WDR36: variants seen among roughly 807,000 people sequenced by gnomAD.
WDR36 encodes the protein WD repeat-containing protein 36.
In WDR36, 63 loss-of-function variants were observed where a neutral mutation model predicts 112.7. The ratio of observed to expected loss-of-function variants is 0.56; its 90% confidence interval spans 0.46 to 0.69. The LOEUF (loss-of-function observed/expected upper bound fraction) is 0.69. WDR36 is among the 30% of genes least tolerant of loss of function. The pLI is 0.00. For missense variants in WDR36, 1,226 were observed against 1,070.3 expected, an observed-to-expected ratio of 1.15 and a Z score of -2.03; for synonymous variants, 410 against 362.2, an observed-to-expected ratio of 1.13 and a Z score of -1.50.
rs975336519 is a variant in WDR36 at position 111,092,447 on chromosome 5, C to T, written c.-10C>T. On this transcript the variant is annotated 5_prime_UTR_variant, in exon 1 of 23. Transcript: ENST00000513710. ...GACCAGAGCTGAGAGGAGCTGGGAT[C>T]GCGGCGGCAATGGAACGGGCCTCAG... is the stretch of plus-strand genomic sequence containing the variant. 4.3e-6 allele frequency: 7 copies of T among 1,614,094 alleles called. No individual in the cohort carries two copies. In the African/African-American group the frequency reaches 8.0e-5, roughly 18 times the overall value.
intron 21 of WDR36, among the ~76,000 whole-genome samples, chr5:111,124,755 G>T (rs79666440): frequency 5.3e-5 from 8 of 152,022 alleles, no homozygotes; most frequent in Non-Finnish European, 8.8e-5. Context: ...ATTTTAACTT[G>T]TCCTCTTGTT....
At chr5:111,100,788 A>T in intron 5 of WDR36, 67 bp downstream of exon 5, 1 of 1,486,830 alleles carries the variant, frequency 6.7e-7, no homozygotes, top group East Asian at 2.3e-5. Context: ...CCTAATGTAT[A>T]CTTAAGTCTC....
rs376235389 is a variant in WDR36 at position 111,092,399 on chromosome 5, A to G, written c.-58A>G. 15 of 1,614,052 alleles carry G rather than the reference A, an allele frequency of 9.3e-6. 1 individual carries two copies. The African/African-American group carries it at 1.7e-4, about 19-fold the overall frequency. On this transcript the variant is annotated 5_prime_UTR_variant, in exon 1 of 23. Transcript: ENST00000513710. Reference sequence around the variant, plus strand: ...CTGTTCCACTAGACACGCTGAAGGGACTGGGTACGTGTTTTCCTTCAGGAC... The same window carrying G: ...CTGTTCCACTAGACACGCTGAAGGGGCTGGGTACGTGTTTTCCTTCAGGAC...
intron 19 of WDR36, among the ~76,000 whole-genome samples, chr5:111,121,819 A>G (rs1753573190): frequency 6.6e-6 from 1 of 152,216 alleles, no homozygotes; most frequent in African/African-American, 2.4e-5. Flanking sequence ...AATACAATAC[A>G]GTGAAAAATT....
At chr5:111,103,661 T>C in intron 6 of WDR36, 125 bp from the exon 7 acceptor site, 1 of 1,244,794 alleles carries the variant, frequency 8.0e-7, no homozygotes, top group Admixed American at 2.1e-5. Flanking sequence ...TGCTGAGTTT[T>C]TCTGCCATCT....
chr5:111,124,095 GT>G lies in WDR36; in HGVS notation c.2269-8del, dbSNP rs778532512. The stretch of plus-strand genomic sequence containing the variant: ...TGAATTATTTGAATAATGTGTATTT[GT>G]TTTTGTTTAAGTCTAAAGTGGTAAA... On this transcript the variant is annotated splice_polypyrimidine_tract_variant and intron_variant, in intron 20 of 22. Transcript: ENST00000513710. The G allele has an allele frequency of 1.2e-6, 2 of 1,612,052 alleles. No individual in the cohort carries two copies. The highest frequency in any genetic ancestry group is 1.1e-5 in the South Asian group (1 of 90,942).
At chr5:111,099,759 A>C (rs1274818069) in intron 4 of WDR36, among the ~76,000 whole-genome samples, 3 of 151,910 alleles carry the variant, frequency 2.0e-5, no homozygotes, top group Non-Finnish European at 4.4e-5. Context: ...ATTCAAAGTA[A>C]AGTTTATATA....
chr5:111,123,035 G>T (rs1384751124), intron 19 of WDR36, among the ~76,000 whole-genome samples: 1 of 152,024 alleles, frequency 6.6e-6, no homozygotes, highest in Non-Finnish European at 1.5e-5. Context: ...CTTGAACCCG[G>T]GAGGCGGAGG....
Position 111,092,687 on chromosome 5 carries a change from A to G in WDR36, c.162+69A>G, listed in dbSNP as rs555719675. 5 of 1,512,468 alleles carry G rather than the reference A, an allele frequency of 3.3e-6. No individual in the cohort carries two copies. The African/African-American group carries it at 5.4e-5, about 16-fold the overall frequency. 93.7% of individuals were successfully genotyped at this position (1,512,468 alleles called of 1,614,324 possible). A position where few individuals can be genotyped will look rare whatever the true frequency, so the allele number is the denominator to read the frequency against. On this transcript the variant is annotated intron_variant, in intron 1 of 22. Coordinates refer to ENST00000513710, the MANE Select transcript of WDR36 (RefSeq NM_139281.3). ...TTGGCCTCTAACTCTGTCCTGGAGC[A>G]GTCCGGTTCTCCCTTCCCATTTACC...
intron 7 of WDR36, 45 bp downstream of exon 7, chr5:111,103,963 A>AT: frequency 6.2e-7 from 1 of 1,605,086 alleles, no homozygotes. Context: ...AACACTTAAA[A>AT]TTCATTACTT....
At chr5:111,123,617 A>T (rs556072896) in intron 19 of WDR36, among the ~76,000 whole-genome samples, 188 bp from the exon 20 acceptor site, 2 of 152,310 alleles carry the variant, frequency 1.3e-5, no homozygotes, top group African/African-American at 2.4e-5. Flanking sequence ...AGAGATCTGC[A>T]TTGGGAAGCC....
rs4957924 is a variant in WDR36 at position 111,121,397 on chromosome 5, C to T, written c.2148+256C>T. On this transcript the variant is annotated intron_variant, in intron 19 of 22. Coordinates refer to ENST00000513710, the MANE Select transcript of WDR36 (RefSeq NM_139281.3). ...AGTTGAGCCTGTAACTACAGAGCTA[C>T]TGGAAACTGATCTTTTAAAATCCAG... Among the ~76,000 whole-genome samples the T allele has an allele frequency of 0.89, 134,788 of 152,156 alleles. 60,132 individuals carry two copies. The highest frequency in any genetic ancestry group is 0.97 in the African/African-American group (40,320 of 41,562).
At chr5:111,101,111 C>T (rs371682076) in intron 5 of WDR36, among the ~76,000 whole-genome samples, 1 of 151,840 alleles carries the variant, frequency 6.6e-6, no homozygotes, top group African/African-American at 2.4e-5. Context: ...TTGGTATCAG[C>T]AGAGAAGTTG....
Position 111,123,910 on chromosome 5 carries a change from A to T in WDR36, c.2254A>T (p.Asn752Tyr), listed in dbSNP as rs958777262. The T allele has an allele frequency of 1.2e-6, 2 of 1,613,648 alleles. No individual in the cohort carries two copies. The highest frequency in any genetic ancestry group is 2.7e-5 in the African/African-American group (2 of 74,930). ...VPRYAAPEQN[N>Y]DPQQSKVVNL... ...CAGATATGCTGCACCTGAACAAAAT[A>T]ATGATCCCCAGCAGGTAAAAAACAA... is the stretch of plus-strand genomic sequence containing the variant. Residue 752 changes from asparagine (N) to tyrosine (Y), a missense_variant, in exon 20 of 23, where the codon AAT becomes TAT. Transcript: ENST00000513710.
At chr5:111,104,391 A>G in intron 8 of WDR36, 39 bp downstream of exon 8, 4 of 1,610,458 alleles carry the variant, frequency 2.5e-6, no homozygotes, top group Non-Finnish European at 3.4e-6. Flanking sequence ...GGCTCATCTA[A>G]CTTACCCTTT....
chr5:111,110,381 T>C, intron 13 of WDR36, 78 bp downstream of exon 13: 5 of 1,228,298 alleles, frequency 4.1e-6, no homozygotes, highest in Non-Finnish European at 6.0e-6. Flanking sequence ...TGTATAATCT[T>C]TAAGTGCTGG....
At position 111,121,004 on chromosome 5, in the gene WDR36, G is replaced by T; in HGVS notation, c.2011G>T (p.Val671Leu). The T allele has an allele frequency of 6.2e-7, 1 of 1,612,912 alleles. No individual in the cohort carries two copies. The highest frequency in any genetic ancestry group is 1.1e-5 in the South Asian group (1 of 90,912). Residue 671 changes from valine (V) to leucine (L), a missense_variant, in exon 19 of 23, where the codon GTA becomes TTA. Val to Leu is a conservative substitution (Grantham distance 32). Transcript: ENST00000513710. ...TGAAAAATTTTTTTAAGATGTAGAA[G>T]TATCAGAAGAAACAGTAGAACCAAG... ...PGTCQTQDVE[V>L]SEETVEPSDE... is the part of the protein sequence containing the mutation.
chr5:111,125,920 A>G, intron 22 of WDR36, 125 bp downstream of exon 22: 1 of 900,204 alleles, frequency 1.1e-6, no homozygotes, highest in Non-Finnish European at 1.8e-6. Context: ...GCCACTTGCC[A>G]CATGTAGCTA....
At chr5:111,103,017 A>G (rs527790338) in intron 6 of WDR36, among the ~76,000 whole-genome samples, 67 of 151,692 alleles carry the variant, frequency 4.4e-4, no homozygotes, top group African/African-American at 1.5e-3. Flanking sequence ...TCATCAGCCT[A>G]GCTCCACTTT....
Sources: gnomAD v4.1 joint callset for allele counts (sites outside exome capture counted in the v4.1 genomes callset) on GRCh38, gnomAD v4.1.1 for gene constraint, MANE v1.5 for transcripts, NCBI Gene and HGNC (gene_info 2026-07-23, HGNC 2026-07-21) for gene names.